CSTPP1: variants seen among roughly 807,000 people sequenced by gnomAD.
CSTPP1 encodes the protein UPF0705 protein C11orf49.
chr11:47,022,486 C>T, the CSTPP1 span, among the ~76,000 whole-genome samples: 1 of 149,402 alleles, frequency 6.7e-6, no homozygotes, highest in Non-Finnish European at 1.5e-5. Context: ...TCTCCTGCCT[C>T]AGCCTCCCAA....
the CSTPP1 span, among the ~76,000 whole-genome samples, chr11:47,043,961 T>C: frequency 6.6e-6 from 1 of 152,202 alleles, no homozygotes; most frequent in Admixed American, 6.5e-5. Context: ...GGTTCTACAA[T>C]GTATCTACCA....
the CSTPP1 span, among the ~76,000 whole-genome samples, chr11:47,007,793 C>T: frequency 6.6e-6 from 1 of 151,996 alleles, no homozygotes; most frequent in Non-Finnish European, 1.5e-5. Flanking sequence ...TGGCAGATGG[C>T]CTGGGCACTA....
the CSTPP1 span, chr11:47,052,571 C>T: frequency 8.9e-6 from 14 of 1,580,412 alleles, no homozygotes; most frequent in East Asian, 2.9e-4. Flanking sequence ...TCCTTTCTTC[C>T]TTCCTTCCTT....
chr11:47,101,202 G>GTTTTT, the CSTPP1 span, among the ~76,000 whole-genome samples: 32 of 32,946 alleles, frequency 9.7e-4, no homozygotes, highest in Non-Finnish European at 1.7e-3. Context: ...TTTATTTTTA[G>GTTTTT]TAGAGATGGG....
the CSTPP1 span, among the ~76,000 whole-genome samples, chr11:46,997,320 C>G: frequency 5.9e-5 from 9 of 152,148 alleles, no homozygotes; most frequent in South Asian, 2.1e-4. Flanking sequence ...TTCAATCACT[C>G]TTACCCTTTT....
chr11:47,110,208 T>C, the CSTPP1 span, among the ~76,000 whole-genome samples: 4 of 152,226 alleles, frequency 2.6e-5, no homozygotes, highest in Admixed American at 6.5e-5. Context: ...AGAATGTAAG[T>C]ACCATGAAAA....
chr11:47,005,281 T>G, the CSTPP1 span, among the ~76,000 whole-genome samples: 1 of 152,210 alleles, frequency 6.6e-6, no homozygotes, highest in East Asian at 1.9e-4. Flanking sequence ...CACTGTTTCT[T>G]GCATGGAAAT....
chr11:47,054,674 G>A, the CSTPP1 span, among the ~76,000 whole-genome samples: 3 of 152,142 alleles, frequency 2.0e-5, no homozygotes, highest in South Asian at 2.1e-4. Flanking sequence ...TCAAAAGGCA[G>A]TGTAGAAGAT....
the CSTPP1 span, chr11:47,052,595 T>C: frequency 6.6e-7 from 1 of 1,523,094 alleles, no homozygotes. Flanking sequence ...CTCTCTCTCT[T>C]TCTTTCTCTC....
the CSTPP1 span, among the ~76,000 whole-genome samples, chr11:47,067,256 T>A: frequency 6.6e-6 from 1 of 152,216 alleles, no homozygotes; most frequent in Non-Finnish European, 1.5e-5. Flanking sequence ...GTAATCACTC[T>A]GGAGAAATCA....
At chr11:46,987,364 G>A in the CSTPP1 span, 1 of 1,426,644 alleles carries the variant, frequency 7.0e-7, no homozygotes, top group East Asian at 2.3e-5. Flanking sequence ...GCGCTTGGAA[G>A]CAGGCAGGAT....
At chr11:47,113,739 G>C in the CSTPP1 span, among the ~76,000 whole-genome samples, 2 of 152,002 alleles carry the variant, frequency 1.3e-5, no homozygotes, top group South Asian at 4.2e-4. Flanking sequence ...TGTAGATTCT[G>C]GATATTAGCC....
At chr11:47,034,662 G>A in the CSTPP1 span, among the ~76,000 whole-genome samples, 1 of 151,866 alleles carries the variant, frequency 6.6e-6, no homozygotes, top group African/African-American at 2.4e-5. Context: ...CACCACAGTC[G>A]GCTAATTTTT....
chr11:47,013,164 GTTA>G, the CSTPP1 span, among the ~76,000 whole-genome samples: 4 of 144,864 alleles, frequency 2.8e-5, no homozygotes, highest in African/African-American at 1.0e-4. Context: ...TATATAAATG[GTTA>G]TTATATATAA....
chr11:47,007,081 C>T, the CSTPP1 span, among the ~76,000 whole-genome samples: 1 of 144,680 alleles, frequency 6.9e-6, no homozygotes, highest in East Asian at 2.2e-4. Context: ...TCTTGGCTCA[C>T]TGCAACCCAG....
the CSTPP1 span, among the ~76,000 whole-genome samples, chr11:47,060,258 C>CTTTTTTTTTT: frequency 1.7e-3 from 164 of 99,030 alleles, no homozygotes; most frequent in East Asian, 2.6e-3. Context: ...CTTTTCTTTT[C>CTTTTTTTTTT]TTTTTTTTTT....
At chr11:47,140,903 A>G in the CSTPP1 span, among the ~76,000 whole-genome samples, 1 of 151,812 alleles carries the variant, frequency 6.6e-6, no homozygotes, top group Non-Finnish European at 1.5e-5. Flanking sequence ...GATGGAGACC[A>G]TCCTGGCTAT....
the CSTPP1 span, among the ~76,000 whole-genome samples, chr11:46,946,780 A>G: frequency 6.6e-6 from 1 of 152,208 alleles, no homozygotes; most frequent in South Asian, 2.1e-4. Context: ...TTGTGTACCT[A>G]CTTGTATACT....
chr11:47,130,024 C>T, the CSTPP1 span, among the ~76,000 whole-genome samples: 1 of 152,012 alleles, frequency 6.6e-6, no homozygotes, highest in South Asian at 2.1e-4. Context: ...TTTGGGAGGC[C>T]GAGGCGGGCG....
Sources: gnomAD v4.1 joint callset for allele counts (sites outside exome capture counted in the v4.1 genomes callset) on GRCh38, gnomAD v4.1.1 for gene constraint, MANE v1.5 for transcripts, NCBI Gene and HGNC (gene_info 2026-07-23, HGNC 2026-07-21) for gene names.